Variants in HACD2 observed in about 807,000 individuals in gnomAD.
HACD2 encodes very-long-chain (3R)-3-hydroxyacyl-CoA dehydratase 2.
In HACD2, 15 loss-of-function variants were observed where a neutral mutation model predicts 31.0. The ratio of observed to expected loss-of-function variants is 0.48; its 90% CI spans 0.32 to 0.75. The LOEUF (loss-of-function observed/expected upper bound fraction) is 0.75. HACD2 is among the 30% of genes least tolerant of loss of function. The pLI is 0.03. For missense variants in HACD2, 283 were observed against 313.0 expected (o/e 0.90, Z 0.72); for synonymous variants, 115 against 122.2 (o/e 0.94, Z 0.39).
intron 2 of HACD2, among the ~76,000 whole-genome samples, chr3:123,572,219 T>C (rs1172532807): frequency 2.0e-4 from 31 of 152,188 alleles, no homozygotes; most frequent in Admixed American, 2.0e-3. Context: ...TGAAAATACA[T>C]GTTGCACCAG....
intron 1 of HACD2, among the ~76,000 whole-genome samples, chr3:123,583,294 T>C (rs534099818): frequency 6.6e-6 from 1 of 152,336 alleles, no homozygotes; most frequent in Admixed American, 6.5e-5. Flanking sequence ...TCTATGTTCA[T>C]TGCTCAGGAA....
chr3:123,522,755 A>G (rs2056232975), intron 4 of HACD2, among the ~76,000 whole-genome samples: 1 of 152,138 alleles, frequency 6.6e-6, no homozygotes, highest in Non-Finnish European at 1.5e-5. Context: ...AAAGTAACCA[A>G]ATGGAGTAGG....
rs1371524126 is a variant in HACD2 at position 123,567,745 on chromosome 3, G to A, written c.292+17C>T. ...CAGAATTCACTGTACATAGTAGGGGGGAATATCCATACTTACCTATAGCAC... is the reference window on the plus strand; with the variant it reads ...CAGAATTCACTGTACATAGTAGGGGAGAATATCCATACTTACCTATAGCAC... On this transcript the variant is annotated intron_variant, in intron 3 of 6. Coordinates refer to ENST00000383657, the MANE Select transcript of HACD2 (RefSeq NM_198402.5). 2.1e-6 allele frequency: 3 copies of A among 1,442,728 alleles called. No individual in the cohort carries two copies. Among genetic ancestry groups the A allele is most frequent in the Non-Finnish European group, 2.8e-6 (3 of 1,077,692 alleles). The allele number at this position is 1,442,728 out of a possible 1,614,324, so 89.4% of individuals were successfully genotyped here.
intron 4 of HACD2, among the ~76,000 whole-genome samples, chr3:123,509,208 T>C (rs2056018712): frequency 6.6e-6 from 1 of 151,988 alleles, no homozygotes; most frequent in Non-Finnish European, 1.5e-5. Flanking sequence ...CATTGTTTTT[T>C]AAACCCTTTA....
At chr3:123,517,892 A>G (rs942628813) in intron 4 of HACD2, among the ~76,000 whole-genome samples, 17 of 152,274 alleles carry the variant, frequency 1.1e-4, no homozygotes, top group African/African-American at 4.1e-4. Context: ...GGGCTTGTAC[A>G]GTGCTTTAAA....
At chr3:123,560,369 T>C (rs1312989139) in intron 3 of HACD2, among the ~76,000 whole-genome samples, 1 of 152,156 alleles carries the variant, frequency 6.6e-6, no homozygotes, top group Non-Finnish European at 1.5e-5. Context: ...TTTGAATAAA[T>C]GACAAAGGCA....
intron 3 of HACD2, among the ~76,000 whole-genome samples, chr3:123,538,232 C>T (rs1016175091): frequency 6.6e-6 from 1 of 152,176 alleles, no homozygotes; most frequent in African/African-American, 2.4e-5. Context: ...CAATAAATTT[C>T]ACATAACCAC....
intron 4 of HACD2, among the ~76,000 whole-genome samples, chr3:123,510,823 T>A (rs1055101262): frequency 6.6e-6 from 1 of 152,194 alleles, no homozygotes; most frequent in African/African-American, 2.4e-5. Flanking sequence ...ATGTTTAACT[T>A]TTTGAGAAAC....
intron 5 of HACD2, among the ~76,000 whole-genome samples, chr3:123,501,558 C>T (rs1293828352): frequency 6.6e-6 from 1 of 152,186 alleles, no homozygotes; most frequent in Non-Finnish European, 1.5e-5. Context: ...TCCCCACTGC[C>T]AATTTTAGCC....
At chr3:123,526,636 A>G (rs568146134) in intron 4 of HACD2, among the ~76,000 whole-genome samples, 6 of 152,242 alleles carry the variant, frequency 3.9e-5, no homozygotes, top group Admixed American at 6.5e-5. Context: ...TGTAATGAGT[A>G]TATAACAAAT....
Position 123,510,944 on chromosome 3 carries a change from T to C in HACD2, c.382-8263A>G, listed in dbSNP as rs201056438. ...GCTCATTTGCTGTGTTTTTTTTTTT[T>C]GTTTTTTTTTGTTTTTTTTTTTAAA... On this transcript the variant is annotated intron_variant, in intron 4 of 6. Coordinates refer to ENST00000383657, the MANE Select transcript of HACD2 (RefSeq NM_198402.5). Among the ~76,000 whole-genome samples, 17 of 130,082 alleles carry C rather than the reference T, an allele frequency of 1.3e-4. No homozygotes were observed. The South Asian group carries it at 3.7e-3, about 29-fold the overall frequency. The allele number at this position is 130,082 out of a possible 152,430, so 85.3% of individuals were successfully genotyped here.
chr3:123,493,534 G>A lies in HACD2; in HGVS notation c.*1354C>T, dbSNP rs1041410210. 6.6e-6 allele frequency: 1 copy of A among 152,230 alleles called. No individual in the cohort carries two copies. The highest frequency in any genetic ancestry group is 1.9e-4 in the East Asian group (1 of 5,206). 9.4% of individuals were successfully genotyped at this position (152,230 alleles called of 1,614,324 possible). On this transcript the variant is annotated 3_prime_UTR_variant, in exon 7 of 7. Transcript: ENST00000383657. ...GGGGGAGGAAAAAAGGCTCCATGAA[G>A]AAGATACTGTGCTATTTAATACTTA...
At chr3:123,539,591 A>G (rs1220716032) in intron 3 of HACD2, among the ~76,000 whole-genome samples, 1 of 152,032 alleles carries the variant, frequency 6.6e-6, no homozygotes, top group Non-Finnish European at 1.5e-5. Flanking sequence ...AAATTAAAAA[A>G]ACGTATGGTA....
rs753706519 is a variant in HACD2, at chr3:123,502,643, T to C, written c.420A>G (p.Ala140=). The C allele has an allele frequency of 4.4e-6, 7 of 1,606,406 alleles. No homozygotes were observed. The highest frequency in any genetic ancestry group is 3.4e-6 in the Non-Finnish European group (4 of 1,176,456). Residue 140 remains alanine, a synonymous_variant, in exon 5 of 7, where the codon GCA becomes GCG. Coordinates refer to ENST00000383657, the MANE Select transcript of HACD2 (RefSeq NM_198402.5). ...SEDSVLLFVI[A]WTITEIIRYS... is the part of the protein sequence containing the mutation. ...AACGGATGATTTCCGTGATCGTCCA[T>C]GCAATAACAAACAGGAGGACACTGT...
chr3:123,567,730 T>C (rs370230529), intron 3 of HACD2, 32 bp downstream of exon 3: 4 of 1,335,846 alleles, frequency 3.0e-6, no homozygotes, highest in Middle Eastern at 1.9e-4. Flanking sequence ...CAGAATTCAC[T>C]GTACATAGTA....
chr3:123,535,319 C>A (rs1022944196), intron 3 of HACD2, among the ~76,000 whole-genome samples: 3 of 152,190 alleles, frequency 2.0e-5, no homozygotes, highest in Non-Finnish European at 4.4e-5. Context: ...CAAGCTAGAC[C>A]ATATGGCCTA....
chr3:123,542,739 G>C (rs2056508226), intron 3 of HACD2, among the ~76,000 whole-genome samples: 1 of 152,202 alleles, frequency 6.6e-6, no homozygotes, highest in African/African-American at 2.4e-5. Flanking sequence ...TAGTAATTTA[G>C]AAGTATTAGT....
chr3:123,573,343 T>C (rs544960315), intron 2 of HACD2, among the ~76,000 whole-genome samples: 1 of 152,338 alleles, frequency 6.6e-6, no homozygotes, highest in East Asian at 1.9e-4. Flanking sequence ...AAAACACCTT[T>C]CCACTCTCTT....
At chr3:123,577,423 C>T (rs2056918935) in intron 2 of HACD2, among the ~76,000 whole-genome samples, 1 of 151,922 alleles carries the variant, frequency 6.6e-6, no homozygotes, top group Non-Finnish European at 1.5e-5. Flanking sequence ...AGATCGAGAC[C>T]ATCCTGGCTA....
Sources: gnomAD v4.1 joint callset for allele counts (sites outside exome capture counted in the v4.1 genomes callset) on GRCh38, gnomAD v4.1.1 for gene constraint, MANE v1.5 for transcripts, NCBI Gene and HGNC (gene_info 2026-07-23, HGNC 2026-07-21) for gene names.